Variants in DNAH9 observed in about 807,000 individuals in gnomAD.
The protein encoded by DNAH9 is DNAH9 variant protein.
In DNAH9, 345 loss-of-function variants were observed where a neutral mutation model predicts 471.6. The ratio of observed to expected loss-of-function variants is 0.73; its 90% CI spans 0.67 to 0.80. DNAH9 has a LOEUF of 0.80. Among genes scored for constraint, DNAH9 ranks in the 30% least tolerant of loss-of-function variants. The probability of loss-of-function intolerance (pLI) is 0.00; values close to 1 mark genes in which losing one functional copy is unlikely to be tolerated. For synonymous variants in DNAH9, 2,093 were observed against 2,123.6 expected (o/e 0.99, Z 0.40); for missense variants, 5,407 against 5,609.2 (o/e 0.96, Z 1.15).
At position 11,881,305 on chromosome 17, in the gene DNAH9, G is replaced by A. The variant is rs777739375; in HGVS notation, c.10698G>A (p.Leu3566=). Residue 3566 remains leucine, a synonymous_variant, in exon 55 of 69, where the codon CTG becomes CTA. Transcript: ENST00000262442. ...KLANPHYQPE[L]QAQATLINFT... is the part of the protein sequence containing the mutation. Reference sequence around the variant, plus strand: ...CTAATCCTCACTACCAGCCTGAGCTGCAGGCTCAGGCCACCCTGATCAACT... The same window carrying A: ...CTAATCCTCACTACCAGCCTGAGCTACAGGCTCAGGCCACCCTGATCAACT... 1.9e-6 allele frequency: 3 copies of A among 1,614,022 alleles called. No homozygotes were observed. In the Admixed American group the frequency reaches 5.0e-5, roughly 27 times the overall value.
intron 36 of DNAH9, among the ~76,000 whole-genome samples, chr17:11,766,636 A>T (rs1025142364): frequency 7.9e-5 from 12 of 152,302 alleles, no homozygotes; most frequent in Non-Finnish European, 1.5e-4. Flanking sequence ...TTCAGAAGGG[A>T]CCATGCTGAA....
At chr17:11,851,805 C>G (rs1971429665) in intron 49 of DNAH9, among the ~76,000 whole-genome samples, 1 of 151,822 alleles carries the variant, frequency 6.6e-6, no homozygotes, top group South Asian at 2.1e-4. Flanking sequence ...GTCACTAAAA[C>G]CAAAAGAGTC....
chr17:11,705,231 C>G (rs1187909678), intron 26 of DNAH9, 46 bp downstream of exon 26: 1 of 1,577,522 alleles, frequency 6.3e-7, no homozygotes, highest in Admixed American at 1.7e-5. Context: ...CTGTCTGGTT[C>G]AGGCCAGCTA....
At chr17:11,871,825 C>T (rs1972276238) in intron 52 of DNAH9, 39 bp downstream of exon 52, 2 of 1,601,662 alleles carry the variant, frequency 1.2e-6, no homozygotes, top group South Asian at 2.2e-5. Flanking sequence ...ACATCAGCCT[C>T]TGGGCACCAA....
intron 67 of DNAH9, among the ~76,000 whole-genome samples, chr17:11,950,305 CAAAT>C (rs1025432559): frequency 3.3e-5 from 5 of 152,144 alleles, no homozygotes; most frequent in African/African-American, 9.7e-5. Context: ...TGGGTTTGGA[CAAAT>C]AAATAATGAC....
intron 17 of DNAH9, among the ~76,000 whole-genome samples, chr17:11,674,899 A>G (rs1378039886): frequency 6.6e-6 from 1 of 152,144 alleles, no homozygotes; most frequent in Non-Finnish European, 1.5e-5. Context: ...ACAAATCTCT[A>G]TATCTGGCAG....
chr17:11,681,613 T>C (rs913222321), intron 19 of DNAH9, among the ~76,000 whole-genome samples: 1 of 152,208 alleles, frequency 6.6e-6, no homozygotes, highest in South Asian at 2.1e-4. Context: ...AGCTCTGTGA[T>C]TTGTTTCCTG....
In DNAH9 at chr17:11,810,242, A is replaced by G. The variant is rs1969845442; in HGVS notation, c.8584-4A>G. ...GAGATTTCTGATATTGACCATTCCT[A>G]CAGATGGACCTGGCCAGCCTGTGTC... On this transcript the variant is annotated splice_region_variant and splice_polypyrimidine_tract_variant and intron_variant, in intron 44 of 68. Coordinates refer to ENST00000262442, the MANE Select transcript of DNAH9 (RefSeq NM_001372.4). 1.9e-6 allele frequency: 3 copies of G among 1,610,078 alleles called. No homozygotes were observed. The highest frequency in any genetic ancestry group is 1.3e-5 in the African/African-American group (1 of 74,830).
At chr17:11,691,245 G>C (rs2074328497) in intron 20 of DNAH9, among the ~76,000 whole-genome samples, 1 of 152,158 alleles carries the variant, frequency 6.6e-6, no homozygotes, top group Non-Finnish European at 1.5e-5. Flanking sequence ...GCAGTGAAAA[G>C]TAATAGAAAA....
chr17:11,809,471 G>C (rs780991026), intron 44 of DNAH9, among the ~76,000 whole-genome samples: 1 of 152,110 alleles, frequency 6.6e-6, no homozygotes, highest in African/African-American at 2.4e-5. Context: ...GGAGGCTGAG[G>C]CAGGAGAATC....
chr17:11,739,975 G>A (rs2075408103), intron 29 of DNAH9, among the ~76,000 whole-genome samples: 1 of 152,150 alleles, frequency 6.6e-6, no homozygotes. Context: ...TGGATTTCCA[G>A]AGGCATAGGA....
At chr17:11,650,835 CTCT>C (rs1021496981) in intron 12 of DNAH9, among the ~76,000 whole-genome samples, 9 of 152,220 alleles carry the variant, frequency 5.9e-5, no homozygotes, top group African/African-American at 2.2e-4. Flanking sequence ...TCAGGTTTTC[CTCT>C]TCTTTATGAT....
chr17:11,802,520 T>C (rs1969501296), intron 43 of DNAH9, among the ~76,000 whole-genome samples: 1 of 152,004 alleles, frequency 6.6e-6, no homozygotes, highest in Admixed American at 6.6e-5. Flanking sequence ...TAATCCCAGC[T>C]ACTCAGGAGG....
rs1396549456 is a variant in DNAH9 at position 11,747,651 on chromosome 17, C to T, written c.6495C>T (p.His2165=). 1 of 1,614,094 alleles carries T rather than the reference C, an allele frequency of 6.2e-7. No homozygotes were observed. The highest frequency in any genetic ancestry group is 1.1e-5 in the South Asian group (1 of 91,076). ...AGTCACAGGTGCTGAGGTCCTTGCA[C>T]AAGACCTATCAGATCATGAAACGGC... ...TGKSQVLRSL[H]KTYQIMKRRP... Residue 2165 remains histidine (H), a synonymous_variant, in exon 32 of 69, where the codon CAC becomes CAT. Transcript: ENST00000262442.
intron 8 of DNAH9, among the ~76,000 whole-genome samples, chr17:11,635,765 C>T (rs1233788718): frequency 6.6e-6 from 1 of 152,160 alleles, no homozygotes; most frequent in East Asian, 1.9e-4. Flanking sequence ...GATTTTGCTG[C>T]TCCATGAAAC....
At chr17:11,841,616 C>CCCGT (rs1399220739) in intron 49 of DNAH9, among the ~76,000 whole-genome samples, 1 of 152,094 alleles carries the variant, frequency 6.6e-6, no homozygotes, top group Non-Finnish European at 1.5e-5. Flanking sequence ...TGTCCTTTGT[C>CCCGT]CCGTACCTGT....
At chr17:11,905,590 C>T in intron 60 of DNAH9, 71 bp from the exon 61 acceptor site, 2 of 1,520,366 alleles carry the variant, frequency 1.3e-6, no homozygotes, top group South Asian at 1.2e-5. Context: ...CTATAGGCCT[C>T]TATTTCTCAA....
chr17:11,904,830 T>C (rs887644232), intron 60 of DNAH9, among the ~76,000 whole-genome samples: 2 of 152,090 alleles, frequency 1.3e-5, no homozygotes, highest in African/African-American at 2.4e-5. Flanking sequence ...CTGGGTCAGA[T>C]GTTCAATAAG....
At chr17:11,820,240 T>C (rs140616496) in intron 45 of DNAH9, among the ~76,000 whole-genome samples, 1 of 152,272 alleles carries the variant, frequency 6.6e-6, no homozygotes, top group East Asian at 1.9e-4. Flanking sequence ...TATCCTTGCA[T>C]TTCCGGGACA....
Sources: allele counts gnomAD v4.1 joint callset (sites outside exome capture counted in the v4.1 genomes callset), GRCh38; gene constraint gnomAD v4.1.1; transcripts MANE v1.5; gene names NCBI Gene and HGNC (gene_info 2026-07-23, HGNC 2026-07-21).